The following CTDSP2 variants were observed in gnomAD, a reference collection of about 807,000 sequenced individuals.
CTDSP2 encodes the protein carboxy-terminal domain RNA polymerase II polypeptide A small phosphatase 2.
CTDSP2 carries 9 observed loss-of-function variants against 31.6 expected under a neutral mutation model. That is an observed-to-expected ratio of 0.28 (90% CI 0.17 to 0.50). The LOEUF is 0.50. Among genes scored for constraint, CTDSP2 ranks in the 20% least tolerant of loss-of-function variants. CTDSP2 has a pLI of 0.98. For missense variants in CTDSP2, 267 were observed against 348.5 expected (o/e 0.77, Z 1.86); for synonymous variants, 134 against 134.5 (o/e 1.00, Z 0.03).
chr12:57,838,399 C>T (rs922489520), intron 1 of CTDSP2, among the ~76,000 whole-genome samples: 1 of 152,204 alleles, frequency 6.6e-6, no homozygotes, highest in Admixed American at 6.5e-5. Context: ...GGATTGGAAA[C>T]CACACTTGCC....
chr12:57,838,563 G>A (rs1956261637), intron 1 of CTDSP2, among the ~76,000 whole-genome samples: 1 of 152,202 alleles, frequency 6.6e-6, no homozygotes, highest in Non-Finnish European at 1.5e-5. Flanking sequence ...TTGAAGCCTA[G>A]GAAGAATCCA....
chr12:57,824,470 A>T (rs1277478446), intron 5 of CTDSP2, 151 bp from the exon 6 acceptor site: 7 of 678,894 alleles, frequency 1.0e-5, no homozygotes, highest in Middle Eastern at 3.7e-4. Context: ...CGGCCCCCTG[A>T]GACCCCACAG....
chr12:57,826,921 T>A (rs1036778756), intron 4 of CTDSP2, 75 bp downstream of exon 4: 1 of 1,168,012 alleles, frequency 8.6e-7, no homozygotes, highest in African/African-American at 1.5e-5. Flanking sequence ...ACCTTTAGGC[T>A]GCCTTACACA....
chr12:57,823,770 T>C, intron 7 of CTDSP2, 43 bp from the exon 8 acceptor site: 1 of 1,612,166 alleles, frequency 6.2e-7, no homozygotes, highest in African/African-American at 1.3e-5. Flanking sequence ...GACTGCTGCT[T>C]CCCCCTCCCT....
In CTDSP2 at chr12:57,826,192, G is replaced by A. The variant is rs1355436476; in HGVS notation, c.411+154C>T. 2.6e-5 allele frequency among the ~76,000 whole-genome samples: 4 copies of A among 152,166 alleles called. No individual in the cohort carries two copies. In the East Asian group the frequency reaches 7.7e-4, roughly 29 times the overall value. On this transcript the variant is annotated intron_variant, in intron 5 of 7. Transcript: ENST00000398073. The stretch of plus-strand genomic sequence containing the variant: ...TTTTTAAGGTGAGAAAGCCTTGAGT[G>A]AAAGATACCAATAAAAAGGGGAGGC...
chr12:57,827,145 T>C (rs757334620), intron 3 of CTDSP2, 48 bp from the exon 4 acceptor site: 2 of 1,341,012 alleles, frequency 1.5e-6, no homozygotes, highest in Non-Finnish European at 2.1e-6. Flanking sequence ...GAAAGCCCAA[T>C]TGTACCCCTT....
chr12:57,836,098 C>T (rs1008981583), intron 1 of CTDSP2, among the ~76,000 whole-genome samples: 1 of 152,148 alleles, frequency 6.6e-6, no homozygotes, highest in Non-Finnish European at 1.5e-5. Context: ...GGAGCCCTCC[C>T]ACCATCATCA....
At chr12:57,825,150 T>G (rs1339109188) in intron 5 of CTDSP2, among the ~76,000 whole-genome samples, 1 of 152,124 alleles carries the variant, frequency 6.6e-6, no homozygotes, top group African/African-American at 2.4e-5. Context: ...CCACGGCACC[T>G]GACTCCCAAA....
intron 1 of CTDSP2, among the ~76,000 whole-genome samples, chr12:57,831,960 A>G (rs957552571): frequency 6.6e-5 from 10 of 152,216 alleles, no homozygotes; most frequent in African/African-American, 2.2e-4. Flanking sequence ...AGGAGCAGGG[A>G]AAGATCAAAC....
intron 1 of CTDSP2, among the ~76,000 whole-genome samples, chr12:57,832,918 CT>C (rs1328958394): frequency 1.3e-5 from 2 of 151,962 alleles, no homozygotes; most frequent in East Asian, 3.8e-4. Flanking sequence ...GCTTCCCCAC[CT>C]TGCCTGCATG....
At chr12:57,839,677 T>C (rs1274530858) in intron 1 of CTDSP2, among the ~76,000 whole-genome samples, 2 of 151,720 alleles carry the variant, frequency 1.3e-5, no homozygotes, top group African/African-American at 4.8e-5. Context: ...GAGATCGAGA[T>C]CGCGCCACTG....
At chr12:57,846,120 G>C (rs1335334856) in intron 1 of CTDSP2, among the ~76,000 whole-genome samples, 1 of 152,338 alleles carries the variant, frequency 6.6e-6, no homozygotes, top group Non-Finnish European at 1.5e-5. Context: ...CAGCCCCGAG[G>C]GGGAGGGGTT....
intron 1 of CTDSP2, among the ~76,000 whole-genome samples, chr12:57,833,933 C>A (rs1055275274): frequency 3.9e-5 from 6 of 152,186 alleles, no homozygotes; most frequent in Admixed American, 1.3e-4. Flanking sequence ...ACTATTAACA[C>A]TTTGGTAGGC....
At chr12:57,839,059 T>C (rs1273762860) in intron 1 of CTDSP2, among the ~76,000 whole-genome samples, 2 of 152,146 alleles carry the variant, frequency 1.3e-5, no homozygotes, top group Admixed American at 6.5e-5. Flanking sequence ...TACACACTCA[T>C]TGAGGCTGGC....
intron 1 of CTDSP2, among the ~76,000 whole-genome samples, chr12:57,830,607 A>G (rs757012264): frequency 1.2e-4 from 18 of 152,116 alleles, no homozygotes; most frequent in Non-Finnish European, 2.1e-4. Context: ...TAATTGGTAA[A>G]ACACAGATAC....
chr12:57,825,942 C>T (rs183097116), intron 5 of CTDSP2, among the ~76,000 whole-genome samples: 3 of 152,170 alleles, frequency 2.0e-5, no homozygotes, highest in African/African-American at 7.2e-5. Context: ...CTGTTACAGG[C>T]AAAGAGATAC....
At chr12:57,830,720 G>A (rs953904598) in intron 1 of CTDSP2, among the ~76,000 whole-genome samples, 5 of 152,034 alleles carry the variant, frequency 3.3e-5, no homozygotes, top group Admixed American at 1.3e-4. Context: ...TCATTTGGGC[G>A]GTGGAAACAA....
At chr12:57,837,628 T>C (rs1956256011) in intron 1 of CTDSP2, among the ~76,000 whole-genome samples, 1 of 150,332 alleles carries the variant, frequency 6.7e-6, no homozygotes, top group South Asian at 2.1e-4. Flanking sequence ...GAGGTGGAGG[T>C]TGCAGTGAGC....
intron 1 of CTDSP2, among the ~76,000 whole-genome samples, chr12:57,839,122 C>A (rs1231742625): frequency 1.3e-5 from 2 of 152,178 alleles, no homozygotes; most frequent in Non-Finnish European, 2.9e-5. Context: ...TGGAAGGAGT[C>A]TGCCAGGGAG....
Sources: allele counts gnomAD v4.1 joint callset (sites outside exome capture counted in the v4.1 genomes callset), GRCh38; gene constraint gnomAD v4.1.1; transcripts MANE v1.5; gene names NCBI Gene and HGNC (gene_info 2026-07-23, HGNC 2026-07-21).